The following TPRA1 variants were observed in gnomAD, a reference collection of about 807,000 sequenced individuals.
The protein encoded by TPRA1 is transmembrane protein adipocyte associated 1.
In TPRA1, 28 loss-of-function variants were observed where a neutral mutation model predicts 40.1. The ratio of observed to expected loss-of-function variants is 0.70; its 90% CI spans 0.52 to 0.96. The LOEUF (loss-of-function observed/expected upper bound fraction) is 0.96. TPRA1 is among the 40% of genes least tolerant of loss of function. TPRA1 has a pLI of 0.00. For synonymous variants in TPRA1, 219 were observed against 209.7 expected, an observed-to-expected ratio of 1.04 and a Z score of -0.38; for missense variants, 441 against 482.6, an observed-to-expected ratio of 0.91 and a Z score of 0.81.
intron 1 of TPRA1, among the ~76,000 whole-genome samples, chr3:127,583,273 A>T (rs1285986265): frequency 6.6e-6 from 1 of 151,840 alleles, no homozygotes; most frequent in Non-Finnish European, 1.5e-5. Flanking sequence ...AGATCACACC[A>T]TTGCTCTCCA....
intron 7 of TPRA1, 37 bp from the exon 8 acceptor site, chr3:127,575,846 C>G: frequency 6.2e-7 from 1 of 1,612,286 alleles, no homozygotes; most frequent in Non-Finnish European, 8.5e-7. Context: ...GTGCTGGGGG[C>G]GCCAGCCCAG....
chr3:127,573,822 A>ATGCCCCT (rs2073469512), intron 10 of TPRA1, 34 bp from the exon 11 acceptor site: 1 of 1,526,942 alleles, frequency 6.5e-7, no homozygotes, highest in African/African-American at 1.4e-5. Context: ...TGGAAGCCTC[A>ATGCCCCT]CTGAGTGATT....
chr3:127,592,799 C>T (rs927601960), upstream of TPRA1, among the ~76,000 whole-genome samples: 3 of 152,230 alleles, frequency 2.0e-5, no homozygotes, highest in Non-Finnish European at 4.4e-5. Flanking sequence ...CAGGAAGTGT[C>T]CTAGTCTGAC....
chr3:127,577,218 A>G, intron 3 of TPRA1, 142 bp from the exon 4 acceptor site: 1 of 787,268 alleles, frequency 1.3e-6, no homozygotes, highest in Non-Finnish European at 2.1e-6. Context: ...GGTGGGACAC[A>G]GGGAGGTGGG....
At chr3:127,578,896 G>A (rs2073733075) in intron 3 of TPRA1, among the ~76,000 whole-genome samples, 1 of 152,160 alleles carries the variant, frequency 6.6e-6, no homozygotes, top group African/African-American at 2.4e-5. Context: ...AGGCCCTGCA[G>A]ACAGGGGAAG....
intron 1 of TPRA1, among the ~76,000 whole-genome samples, chr3:127,583,796 G>A (rs867981987): frequency 4.0e-5 from 6 of 151,420 alleles, no homozygotes; most frequent in Non-Finnish European, 8.8e-5. Flanking sequence ...TCAGCCTCCC[G>A]AGTAGCTGGG....
chr3:127,577,961 C>G (rs2073701850), intron 3 of TPRA1, among the ~76,000 whole-genome samples: 1 of 152,218 alleles, frequency 6.6e-6, no homozygotes, highest in Non-Finnish European at 1.5e-5. Context: ...TGGACACCAC[C>G]CTGCTGCCAC....
chr3:127,598,068 A>G, exon 1 of TPRA1: 1 of 297,850 alleles, frequency 3.4e-6, no homozygotes, highest in South Asian at 2.7e-5. Flanking sequence ...GGCTTCCCAA[A>G]GTGCTGGGAT....
intron 1 of TPRA1, among the ~76,000 whole-genome samples, chr3:127,583,548 C>T (rs2073899845): frequency 6.6e-6 from 1 of 152,078 alleles, no homozygotes. Flanking sequence ...GCCATAGCTG[C>T]AATCTTCAAG....
chr3:127,581,923 A>G (rs1267958280), intron 1 of TPRA1, among the ~76,000 whole-genome samples: 1 of 146,838 alleles, frequency 6.8e-6, no homozygotes, highest in Non-Finnish European at 1.5e-5. Context: ...CTCCATCTCA[A>G]AAAAAAAAAA....
chr3:127,589,468 A>G (rs1436916645), intron 1 of TPRA1, among the ~76,000 whole-genome samples: 2 of 152,190 alleles, frequency 1.3e-5, no homozygotes, highest in Non-Finnish European at 2.9e-5. Context: ...AAGGCTCCAT[A>G]GGGCAGAGGC....
chr3:127,592,309 G>T (rs1180025011), upstream of TPRA1, among the ~76,000 whole-genome samples: 1 of 151,550 alleles, frequency 6.6e-6, no homozygotes, highest in African/African-American at 2.4e-5. Flanking sequence ...TTCTTGTATC[G>T]GTTCGAACCC....
upstream of TPRA1, chr3:127,591,086 G>C (rs1269334368): frequency 6.6e-6 from 1 of 152,214 alleles, no homozygotes; most frequent in Non-Finnish European, 1.5e-5. Flanking sequence ...TCCCGGCCTG[G>C]GCCGCGGCCG....
intron 1 of TPRA1, among the ~76,000 whole-genome samples, chr3:127,587,499 C>T (rs1020157154): frequency 2.4e-4 from 37 of 152,076 alleles, no homozygotes; most frequent in African/African-American, 7.2e-4. Flanking sequence ...GTCAACAAGA[C>T]GGGGCTGCAC....
chr3:127,583,448 T>C lies in TPRA1; in HGVS notation c.-17-3285A>G, dbSNP rs572420386. ...AGGAGTTCGAGGCTGCAGTGAGCTA[T>C]GATCGTGCCACTGCACTCCAGCCTG... On this transcript the variant is annotated intron_variant, in intron 1 of 10. Coordinates refer to ENST00000355552, the MANE Select transcript of TPRA1 (RefSeq NM_001136053.4). Among the ~76,000 whole-genome samples, 51 of 151,988 alleles carry C rather than the reference T, an allele frequency of 3.4e-4. 1 individual carries two copies. In the South Asian group the frequency reaches 1.0e-2, roughly 30 times the overall value.
chr3:127,589,545 T>A (rs1035330290), intron 1 of TPRA1, among the ~76,000 whole-genome samples: 2 of 152,190 alleles, frequency 1.3e-5, no homozygotes, highest in African/African-American at 4.8e-5. Context: ...GTGGTCCCTG[T>A]CCTAAGCCGG....
intron 3 of TPRA1, among the ~76,000 whole-genome samples, chr3:127,577,677 C>T (rs2073687362): frequency 6.6e-6 from 1 of 152,106 alleles, no homozygotes; most frequent in African/African-American, 2.4e-5. Flanking sequence ...AGTGCCTGCT[C>T]AGCATCTGTG....
Position 127,575,949 on chromosome 3 carries a change from G to C in TPRA1, c.600C>G (p.Phe200Leu). Residue 200 changes from phenylalanine (F) to leucine (L), a missense_variant, in exon 7 of 11, where the codon TTC (phenylalanine) becomes TTG (leucine). Physicochemically the swap from Phe to Leu is conservative, Grantham distance 22 (BLOSUM62 0). Transcript: ENST00000355552. ...CCAGCCTGAACCTCACCAGGAAGAA[G>C]AAGCAGGAGCTGACCAGCCAGAACT... ...GRQFWLVSSCFFFLVYSLVVI... is the reference protein window; with the variant it reads ...GRQFWLVSSCLFFLVYSLVVI... 3 of 1,614,010 alleles carry C rather than the reference G, an allele frequency of 1.9e-6. No homozygotes were observed. The highest frequency in any genetic ancestry group is 2.5e-6 in the Non-Finnish European group (3 of 1,180,008).
chr3:127,591,281 C>T (rs80038651), upstream of TPRA1, among the ~76,000 whole-genome samples: 1,388 of 152,312 alleles, frequency 9.1e-3, 20 homozygotes, highest in African/African-American at 0.029. Context: ...GCGGCGCCGC[C>T]ATGCCTCGGG....
Sources: gnomAD v4.1 joint callset for allele counts (sites outside exome capture counted in the v4.1 genomes callset) on GRCh38, gnomAD v4.1.1 for gene constraint, MANE v1.5 for transcripts, NCBI Gene and HGNC (gene_info 2026-07-23, HGNC 2026-07-21) for gene names.